Variants in MGAT4B observed in about 807,000 individuals in gnomAD.
MGAT4B encodes alpha-1,3-mannosyl-glycoprotein 4-beta-N-acetylglucosaminyltransferase B.
A neutral mutation model predicts 73.9 loss-of-function variants in MGAT4B; 38 were observed. The ratio of observed to expected loss-of-function variants is 0.51; its 90% CI spans 0.40 to 0.67. The LOEUF is 0.67. MGAT4B is among the 30% of genes least tolerant of loss of function. MGAT4B has a pLI of 0.00. For missense variants in MGAT4B, 686 were observed against 735.2 expected, an observed-to-expected ratio of 0.93 and a Z score of 0.77; for synonymous variants, 373 against 313.5, an observed-to-expected ratio of 1.19 and a Z score of -2.01.
rs1461852179 is a variant in MGAT4B at position 179,800,177 on chromosome 5, G to A, written c.795+7C>T. ...CAGGGCAGGGCAACGCAGGGCTTGGGGCTGACCTGCACGTAGTAGATGCCT... is the reference window on the plus strand; with the variant it reads ...CAGGGCAGGGCAACGCAGGGCTTGGAGCTGACCTGCACGTAGTAGATGCCT... On this transcript the variant is annotated splice_region_variant and intron_variant, in intron 7 of 14. Coordinates refer to ENST00000292591, the MANE Select transcript of MGAT4B (RefSeq NM_014275.5). 6.2e-7 allele frequency: 1 copy of A among 1,612,764 alleles called. No individual in the cohort carries two copies. Among genetic ancestry groups the A allele is most frequent in the Non-Finnish European group, 8.5e-7 (1 of 1,179,834 alleles).
chr5:179,798,190 G>A lies in MGAT4B; in HGVS notation c.1598C>T (p.Ser533Phe). 1.3e-6 allele frequency: 2 copies of A among 1,596,992 alleles called. No individual in the cohort carries two copies. Among genetic ancestry groups the A allele is most frequent in the Non-Finnish European group, 1.7e-6 (2 of 1,170,886 alleles). ...CTCGCTCAGAATCACCCACACAGGG[G>A]AGTCCGTCTGGATCGAGAGGCGCAG... The part of the protein sequence containing the change: ...EALRLSIQTD[S>F]PVWVILSEIF... The change falls in exon 14 of 15, where the codon TCC becomes TTC. Residue 533 changes from serine (S) to phenylalanine (F), a missense_variant. Ser to Phe is a radical substitution (Grantham distance 155, BLOSUM62 -2). This residue lies in a region of MGAT4B where 449 missense variants were observed against 536.8 expected (regional missense o/e 0.84). Transcript: ENST00000292591.
rs1037576103 is a variant in MGAT4B, at chr5:179,797,853, GC to G, written c.*191del. The G allele has an allele frequency of 2.4e-5, 18 of 734,826 alleles. No individual in the cohort carries two copies. The highest frequency in any genetic ancestry group is 2.0e-4 in the Admixed American group (6 of 30,370). 45.5% of individuals were successfully genotyped at this position (734,826 alleles called of 1,614,324 possible). The stretch of plus-strand genomic sequence containing the variant: ...GTGGGGGCCGCCTGCCTCCTCCGCG[GC>G]CCGGCGGGCGGGGGCAGCACCAGCT... On this transcript the variant is annotated 3_prime_UTR_variant, in exon 15 of 15. Transcript: ENST00000292591.
chr5:179,803,131 G>A, intron 1 of MGAT4B: 1 of 985,596 alleles, frequency 1.0e-6, no homozygotes, highest in African/African-American at 1.7e-5. Flanking sequence ...GACCAGGGAA[G>A]AGGAAGGGGT....
In MGAT4B at chr5:179,798,559, G is replaced by T; in HGVS notation, c.1376C>A (p.Pro459Gln). ...AGACGTGTTGAAGAGCTTGTCCTCCGGGTGCTCGATGTTCCCACTGCGGAA... is the reference window on the plus strand; with the variant it reads ...AGACGTGTTGAAGAGCTTGTCCTCCTGGTGCTCGATGTTCCCACTGCGGAA... ...FFFRSGNIEH[P>Q]EDKLFNTSVE... Residue 459 changes from proline (P) to glutamine (Q), a missense_variant, in exon 12 of 15, where the codon CCG (proline) becomes CAG (glutamine). Pro to Gln is a moderately conservative substitution (Grantham distance 76). Coordinates refer to ENST00000292591, the MANE Select transcript of MGAT4B (RefSeq NM_014275.5). The T allele has an allele frequency of 6.2e-7, 1 of 1,613,538 alleles. No individual in the cohort carries two copies. The highest frequency in any genetic ancestry group is 8.5e-7 in the Non-Finnish European group (1 of 1,180,014).
rs1756869226 is a variant in MGAT4B at position 179,800,532 on chromosome 5, T to G, written c.671A>C (p.Asp224Ala). The G allele has an allele frequency of 6.2e-7, 1 of 1,611,494 alleles. No homozygotes were observed. ...AAAGGACTCTCGGAGGCGGGAGAAG[T>G]CAGGGTAGAAGTGGGGGGAGGGTGA... ...VISPSPHFYP[D>A]FSRLRESFGD... Residue 224 changes from aspartate (D) to alanine (A), a missense_variant, in exon 6 of 15, where the codon GAC becomes GCC. Coordinates refer to ENST00000292591, the MANE Select transcript of MGAT4B (RefSeq NM_014275.5).
chr5:179,804,595 C>T (rs1172304316), intron 1 of MGAT4B, among the ~76,000 whole-genome samples: 1 of 152,178 alleles, frequency 6.6e-6, no homozygotes, highest in Non-Finnish European at 1.5e-5. Flanking sequence ...TGGGCTTGAC[C>T]TTGCGTTTCC....
intron 1 of MGAT4B, chr5:179,802,669 C>T (rs1160173224): frequency 1.0e-6 from 1 of 986,362 alleles, no homozygotes; most frequent in Admixed American, 6.1e-5. Flanking sequence ...CCCAGGGGGC[C>T]CCTGTCAGAA....
intron 1 of MGAT4B, chr5:179,802,858 C>A (rs899109395): frequency 1.0e-6 from 1 of 985,376 alleles, no homozygotes; most frequent in African/African-American, 1.7e-5. Context: ...AGGCCTCTGC[C>A]AGGCGAGTCT....
rs1581984398 is a variant in MGAT4B, at chr5:179,806,360, G to C, written c.97+127C>G. 5.4e-6 allele frequency: 2 copies of C among 368,664 alleles called. No homozygotes were observed. The highest frequency in any genetic ancestry group is 7.8e-6 in the Non-Finnish European group (2 of 254,784). The allele number at this position is 368,664 out of a possible 1,614,324, so 22.8% of individuals were successfully genotyped here. A position where few individuals can be genotyped will look rare whatever the true frequency, so the allele number is the denominator to read the frequency against. On this transcript the variant is annotated intron_variant, in intron 1 of 14. Transcript: ENST00000292591. This position sits in a 1 kb window ranked among gnomAD's most constrained non-coding sequence, Gnocchi z 4.6. ...GGGGGAGGGTGGGAGGGGCGTCCTC[G>C]CGCCGCCCGGGCGGGGAAGGGGCGC...
chr5:179,799,094 G>A lies in MGAT4B; in HGVS notation c.1177C>T (p.Arg393Trp), dbSNP rs755592209. ...KDKDFGKQALRKEHVNPPAEV... is the reference protein window; with the variant it reads ...KDKDFGKQALWKEHVNPPAEV... ...GCTGGCGGGTTCACATGCTCCTTCC[G>A]CAGCGCCTGCTTTCCAAAGTCTTTG... is the stretch of plus-strand genomic sequence containing the variant. Residue 393 changes from arginine to tryptophan, a missense_variant, in exon 11 of 15, where the codon CGG becomes TGG. Around this residue, in one of 2 missense-constraint regions of MGAT4B, gnomAD observed 449 missense variants for 536.8 expected, o/e 0.84. Transcript: ENST00000292591. The A allele has an allele frequency of 1.3e-4, 207 of 1,613,826 alleles. 1 individual carries two copies. Among genetic ancestry groups the A allele is most frequent in the Non-Finnish European group, 1.5e-4 (181 of 1,180,038 alleles).
intron 6 of MGAT4B, 65 bp downstream of exon 6, chr5:179,800,419 C>G: frequency 2.1e-6 from 3 of 1,421,166 alleles, no homozygotes; most frequent in Non-Finnish European, 3.0e-6. Context: ...TGGACTCAAA[C>G]ACCAGTAGAT....
intron 1 of MGAT4B, chr5:179,803,271 G>T (rs931606331): frequency 2.0e-6 from 2 of 985,390 alleles, no homozygotes; most frequent in Non-Finnish European, 2.4e-6. Flanking sequence ...CTGAGGCAAA[G>T]CGGAGCCTCT....
At chr5:179,802,587 T>C (rs1414046289) in intron 1 of MGAT4B, 1 of 991,414 alleles carries the variant, frequency 1.0e-6, no homozygotes, top group Non-Finnish European at 1.2e-6. Flanking sequence ...GGACTAGCTC[T>C]GAACGCCCTG....
At position 179,798,447 on chromosome 5, in the gene MGAT4B, T is replaced by G. The variant is rs753845071; in HGVS notation, c.1423-13A>C. 1.9e-6 allele frequency: 3 copies of G among 1,612,786 alleles called. No homozygotes were observed. The South Asian group carries it at 3.3e-5, about 18-fold the overall frequency. On this transcript the variant is annotated splice_polypyrimidine_tract_variant and intron_variant, in intron 12 of 14. Coordinates refer to ENST00000292591, the MANE Select transcript of MGAT4B (RefSeq NM_014275.5). ...CTGACTGAGGGTTCTGGGGGCAGAA[T>G]CAAGGGCTGAGGCAGGTGGTCACAG...
In MGAT4B at chr5:179,801,912, G is replaced by A; in HGVS notation, c.155C>T (p.Ala52Val). 2 of 1,613,362 alleles carry A rather than the reference G, an allele frequency of 1.2e-6. No individual in the cohort carries two copies. The highest frequency in any genetic ancestry group is 1.7e-6 in the Non-Finnish European group (2 of 1,179,990). ...EFLALRDRLH[A>V]AEQESLKRSK... is the part of the protein sequence containing the mutation. ...GCGCTTGAGGCTCTCCTGCTCAGCT[G>A]CGTGCAACCGATCGCGCAGCGCCAG... Residue 52 changes from alanine to valine, a missense_variant, in exon 2 of 15, where the codon GCA (alanine) becomes GTA (valine). This residue lies in a region of MGAT4B where 237 missense variants were observed against 198.5 expected (regional missense o/e 1.19). Transcript: ENST00000292591. The surrounding 1 kb of genome is among the most constrained non-coding windows in gnomAD (Gnocchi z 4.8).
chr5:179,800,803 C>A (rs1045139765), intron 5 of MGAT4B, 104 bp downstream of exon 5: 11 of 1,314,602 alleles, frequency 8.4e-6, no homozygotes, highest in African/African-American at 4.4e-5. Flanking sequence ...TGCCTCCCCA[C>A]GAGATAGGAA....
In MGAT4B at chr5:179,798,441, G is replaced by A. The variant is rs763937478; in HGVS notation, c.1423-7C>T. On this transcript the variant is annotated splice_polypyrimidine_tract_variant and splice_region_variant and intron_variant, in intron 12 of 14. Transcript: ENST00000292591. ...CCTTGTCTGACTGAGGGTTCTGGGG[G>A]CAGAATCAAGGGCTGAGGCAGGTGG... The A allele has an allele frequency of 6.2e-7, 1 of 1,612,616 alleles. No homozygotes were observed. Among genetic ancestry groups the A allele is most frequent in the South Asian group, 1.1e-5 (1 of 91,018 alleles).
chr5:179,798,976 G>A lies in MGAT4B; in HGVS notation c.1295C>T (p.Ala432Val), dbSNP rs1024360336. 13 of 1,613,624 alleles carry A rather than the reference G, an allele frequency of 8.1e-6. No homozygotes were observed. Among genetic ancestry groups the A allele is most frequent in the East Asian group, 2.2e-5 (1 of 44,894 alleles). ...GAAGCGGAAGCGGATGAAGTCCCCC[G>A]CGGCAGGGGTGAAGGCCCAGAAGAA... Reference protein sequence around the residue: ...EDFFWAFTPAAGDFIRFRFFQ... With the variant: ...EDFFWAFTPAVGDFIRFRFFQ... Residue 432 changes from alanine to valine, a missense_variant, in exon 11 of 15, where the codon GCG becomes GTG. Ala to Val is a moderately conservative substitution (Grantham distance 64, BLOSUM62 0). Around this residue, in one of 2 missense-constraint regions of MGAT4B, gnomAD observed 449 missense variants for 536.8 expected, o/e 0.84. Coordinates refer to ENST00000292591, the MANE Select transcript of MGAT4B (RefSeq NM_014275.5).
rs181378866 is a variant in MGAT4B, at chr5:179,804,600, G to A, written c.97+1887C>T. 2.5e-4 allele frequency among the ~76,000 whole-genome samples: 38 copies of A among 152,268 alleles called. No individual in the cohort carries two copies. The East Asian group carries it at 6.6e-3, about 26-fold the overall frequency. On this transcript the variant is annotated intron_variant, in intron 1 of 14. Transcript: ENST00000292591. ...GAGGCCGTCCTGGGCTTGACCTTGC[G>A]TTTCCAGGATGATGCCCACACCTGC...
Sources: allele counts gnomAD v4.1 joint callset (sites outside exome capture counted in the v4.1 genomes callset), GRCh38; gene constraint gnomAD v4.1.1; regional missense constraint gnomAD v4.1.1; non-coding constraint Gnocchi (gnomAD v3.1); transcripts MANE v1.5; gene names NCBI Gene and HGNC (gene_info 2026-07-23, HGNC 2026-07-21).